FOXP1: variants seen among roughly 807,000 people sequenced by gnomAD.
The protein encoded by FOXP1 is forkhead box protein P1.
A neutral mutation model predicts 98.2 loss-of-function variants in FOXP1; 15 were observed. The observed-to-expected ratio is 0.15, with a 90% CI of 0.10 to 0.24. The LOEUF is 0.24. FOXP1 is among the 10% of genes least tolerant of loss of function. FOXP1 has a pLI of 1.00. For synonymous variants in FOXP1, 371 were observed against 314.5 expected (o/e 1.18, Z -1.90); for missense variants, 633 against 848.5 (o/e 0.75, Z 3.15).
At chr3:71,558,191 A>G (rs2046276503) in intron 2 of FOXP1, among the ~76,000 whole-genome samples, 3 of 151,934 alleles carry the variant, frequency 2.0e-5, no homozygotes, top group Non-Finnish European at 2.9e-5. Context: ...ATTCTTTTCC[A>G]TATGTGGGCA....
At chr3:71,011,511 C>G (rs547918656) in intron 12 of FOXP1, among the ~76,000 whole-genome samples, 3 of 152,298 alleles carry the variant, frequency 2.0e-5, no homozygotes, top group Admixed American at 6.5e-5. Context: ...ACAATCAATA[C>G]TCCAACAGCC....
chr3:71,290,352 C>G (rs546935812), intron 5 of FOXP1, among the ~76,000 whole-genome samples: 1 of 152,336 alleles, frequency 6.6e-6, no homozygotes, highest in Admixed American at 6.5e-5. Context: ...TGTGATGCAA[C>G]TTTTTCAAAC....
intron 3 of FOXP1, among the ~76,000 whole-genome samples, chr3:71,458,272 T>C (rs921974906): frequency 6.6e-6 from 1 of 152,208 alleles, no homozygotes; most frequent in African/African-American, 2.4e-5. Flanking sequence ...TTTTGTTTAA[T>C]GCAATGCAAA....
intron 11 of FOXP1, among the ~76,000 whole-genome samples, chr3:71,026,532 T>A (rs921523425): frequency 6.6e-6 from 1 of 152,126 alleles, no homozygotes; most frequent in Non-Finnish European, 1.5e-5. Context: ...AACAGCACAG[T>A]GTAGTGTGTC....
intron 12 of FOXP1, among the ~76,000 whole-genome samples, chr3:71,014,437 A>G (rs1400905451): frequency 6.6e-6 from 1 of 152,188 alleles, no homozygotes; most frequent in Non-Finnish European, 1.5e-5. Context: ...CAAAACCGCA[A>G]TGAGATACCA....
chr3:71,464,585 G>C (rs2088500206), intron 3 of FOXP1, among the ~76,000 whole-genome samples: 1 of 152,150 alleles, frequency 6.6e-6, no homozygotes, highest in Admixed American at 6.5e-5. Context: ...CAAATAGCAA[G>C]ATGCCCTCCC....
intron 3 of FOXP1, among the ~76,000 whole-genome samples, chr3:71,465,920 T>C (rs2088672905): frequency 6.6e-6 from 1 of 152,134 alleles, no homozygotes; most frequent in Non-Finnish European, 1.5e-5. Context: ...GTGCACTCCT[T>C]ATGAGAACCT....
At chr3:71,111,472 A>G (rs2057916905) in intron 7 of FOXP1, among the ~76,000 whole-genome samples, 1 of 152,172 alleles carries the variant, frequency 6.6e-6, no homozygotes, top group South Asian at 2.1e-4. Context: ...AGCTTGGCTC[A>G]CTGCAACCTC....
intron 5 of FOXP1, among the ~76,000 whole-genome samples, chr3:71,205,744 G>A (rs1338098936): frequency 6.6e-6 from 1 of 152,190 alleles, no homozygotes; most frequent in African/African-American, 2.4e-5. Flanking sequence ...GAACGCAGGA[G>A]GTGCAGGGCT....
At chr3:71,145,233 T>A (rs555137989) in intron 6 of FOXP1, among the ~76,000 whole-genome samples, 5 of 150,836 alleles carry the variant, frequency 3.3e-5, no homozygotes, top group South Asian at 2.1e-4. Context: ...TATTTATTTA[T>A]TTTTTTTAAA....
At chr3:71,152,030 T>A (rs2060598012) in intron 6 of FOXP1, among the ~76,000 whole-genome samples, 1 of 152,242 alleles carries the variant, frequency 6.6e-6, no homozygotes, top group Non-Finnish European at 1.5e-5. Flanking sequence ...ATAAAGTCCC[T>A]AATCAGTTGA....
Position 71,405,919 on chromosome 3 carries a change from A to G in FOXP1, c.-167-46675T>C, listed in dbSNP as rs1376304782. Among the ~76,000 whole-genome samples, 3 of 151,832 alleles carry G rather than the reference A, an allele frequency of 2.0e-5. No individual in the cohort carries two copies. In the East Asian group the frequency reaches 5.8e-4, roughly 29 times the overall value. ...AATTTTTTATATTTTTAGTAGAGAC[A>G]GGGTTTCACCATGTTGGGCAGGGTG... On this transcript the variant is annotated intron_variant, in intron 3 of 20. Transcript: ENST00000649528.
At chr3:71,226,450 G>A (rs949714034) in intron 5 of FOXP1, among the ~76,000 whole-genome samples, 4 of 106,766 alleles carry the variant, frequency 3.7e-5, no homozygotes, top group Non-Finnish European at 7.5e-5. Context: ...AACTCCACCC[G>A]GCAGCCATCC....
At chr3:71,567,738 C>T (rs1351433757) in intron 2 of FOXP1, 4 of 151,908 alleles carry the variant, frequency 2.6e-5, no homozygotes, top group Non-Finnish European at 5.9e-5. Flanking sequence ...AGTGCACTTC[C>T]GGAAAGAATC....
At chr3:71,353,359 C>G (rs991229063) in intron 4 of FOXP1, among the ~76,000 whole-genome samples, 7 of 152,018 alleles carry the variant, frequency 4.6e-5, no homozygotes, top group South Asian at 2.1e-4. Flanking sequence ...TCCCCTTTCA[C>G]GAATTATTAT....
intron 6 of FOXP1, among the ~76,000 whole-genome samples, chr3:71,174,817 CACACACACA>C (rs2061839774): frequency 6.6e-6 from 1 of 151,496 alleles, no homozygotes; most frequent in Non-Finnish European, 1.5e-5. Flanking sequence ...CACACACACA[CACACACACA>C]CCCCAATATA....
chr3:71,258,458 A>G (rs778185180), intron 5 of FOXP1, among the ~76,000 whole-genome samples: 4 of 152,216 alleles, frequency 2.6e-5, no homozygotes, highest in Admixed American at 6.5e-5. Flanking sequence ...TCCTGTGTCA[A>G]TCCTGAACTC....
At position 71,195,466 on chromosome 3, in the gene FOXP1, CACAGCGTA is replaced by C. The variant is rs1336479502; in HGVS notation, c.180+2728_180+2735del. ...AAATCCTCCAACATTCAATATAACA[CACAGCGTA>C]ATTAACTCGTTTTTATACCAGGCCC... On this transcript the variant is annotated intron_variant, in intron 6 of 20. Transcript: ENST00000649528. 6.6e-5 allele frequency among the ~76,000 whole-genome samples: 10 copies of C among 152,344 alleles called. No homozygotes were observed. In the East Asian group the frequency reaches 1.7e-3, roughly 26 times the overall value.
At chr3:71,439,366 A>T (rs532233919) in intron 3 of FOXP1, among the ~76,000 whole-genome samples, 70 of 152,322 alleles carry the variant, frequency 4.6e-4, no homozygotes, top group Middle Eastern at 3.4e-3. Context: ...ACCTTCAAGA[A>T]AGGGTGGGGA....
Sources: gnomAD v4.1 joint callset for allele counts (sites outside exome capture counted in the v4.1 genomes callset) on GRCh38, gnomAD v4.1.1 for gene constraint, MANE v1.5 for transcripts, NCBI Gene and HGNC (gene_info 2026-07-23, HGNC 2026-07-21) for gene names.